PHKB: variants seen among roughly 807,000 people sequenced by gnomAD.
The protein encoded by PHKB is phosphorylase b kinase regulatory subunit beta.
In PHKB, 122 loss-of-function variants were observed where a neutral mutation model predicts 152.1. The observed-to-expected ratio is 0.80, with a 90% CI of 0.69 to 0.93. The LOEUF (loss-of-function observed/expected upper bound fraction) is 0.93, where lower values mean the gene tolerates loss of function less well. Ranked by LOEUF, PHKB falls within the 40% of genes least tolerant of loss-of-function variation. The pLI is 0.00. For missense variants in PHKB, 1,304 were observed against 1,328.4 expected (o/e 0.98, Z 0.29); for synonymous variants, 436 against 464.9 (o/e 0.94, Z 0.80).
At chr16:47,470,622 C>T (rs1186064585) in intron 1 of PHKB, among the ~76,000 whole-genome samples, 1 of 152,216 alleles carries the variant, frequency 6.6e-6, no homozygotes, top group African/African-American at 2.4e-5. Context: ...GAAAAACTCA[C>T]AGCACAGGGA....
chr16:47,694,309 A>G (rs1974112671), intron 28 of PHKB, among the ~76,000 whole-genome samples: 1 of 152,236 alleles, frequency 6.6e-6, no homozygotes, highest in African/African-American at 2.4e-5. Context: ...TTGGAAATAG[A>G]GTACTGTAAT....
At chr16:47,544,666 C>A (rs1229716289) in intron 6 of PHKB, among the ~76,000 whole-genome samples, 1 of 152,180 alleles carries the variant, frequency 6.6e-6, no homozygotes, top group Admixed American at 6.5e-5. Context: ...TCTTGTTGAT[C>A]TGTCTAATAT....
At chr16:47,535,659 C>T (rs1038810008) in intron 6 of PHKB, among the ~76,000 whole-genome samples, 1 of 152,178 alleles carries the variant, frequency 6.6e-6, no homozygotes, top group African/African-American at 2.4e-5. Flanking sequence ...TTAGCACACA[C>T]ACCTTAAATT....
chr16:47,490,525 A>G (rs1970130739), intron 1 of PHKB, among the ~76,000 whole-genome samples: 2 of 152,184 alleles, frequency 1.3e-5, no homozygotes, highest in South Asian at 4.1e-4. Context: ...GTAACTAAAC[A>G]TGTCAGATGA....
At chr16:47,547,409 A>T in intron 6 of PHKB, 24 bp from the exon 7 acceptor site, 2 of 1,395,200 alleles carry the variant, frequency 1.4e-6, no homozygotes, top group Non-Finnish European at 1.0e-6. Flanking sequence ...GTATGTCCTT[A>T]TGTTTCATTT....
At chr16:47,543,018 C>T (rs893632523) in intron 6 of PHKB, among the ~76,000 whole-genome samples, 4 of 152,148 alleles carry the variant, frequency 2.6e-5, no homozygotes, top group African/African-American at 9.7e-5. Context: ...TTTGCCCTGG[C>T]CCGAACTTCC....
At chr16:47,497,098 A>G (rs768688021) in intron 1 of PHKB, among the ~76,000 whole-genome samples, 1 of 152,220 alleles carries the variant, frequency 6.6e-6, no homozygotes, top group South Asian at 2.1e-4. Context: ...AATGACTACC[A>G]CATGAGTATT....
intron 1 of PHKB, among the ~76,000 whole-genome samples, chr16:47,492,458 A>C (rs1020445000): frequency 2.0e-5 from 3 of 152,230 alleles, no homozygotes; most frequent in African/African-American, 7.2e-5. Context: ...AAAATGCCTA[A>C]AGAGGAACCT....
chr16:47,679,821 T>G (rs1973813535), intron 26 of PHKB, among the ~76,000 whole-genome samples: 1 of 152,190 alleles, frequency 6.6e-6, no homozygotes, highest in Non-Finnish European at 1.5e-5. Context: ...ATATTAGTGG[T>G]GAGAGAGGGG....
At chr16:47,673,937 C>T (rs1236021574) in intron 26 of PHKB, among the ~76,000 whole-genome samples, 1 of 152,154 alleles carries the variant, frequency 6.6e-6, no homozygotes, top group East Asian at 1.9e-4. Context: ...CTGGGATTTA[C>T]ACCCAGGTCT....
At chr16:47,504,849 C>G (rs1970384416) in intron 4 of PHKB, among the ~76,000 whole-genome samples, 1 of 152,254 alleles carries the variant, frequency 6.6e-6, no homozygotes, top group Non-Finnish European at 1.5e-5. Flanking sequence ...CTCCAGTCCC[C>G]TGAGGGTGCA....
At chr16:47,508,480 A>G (rs1363858602) in intron 4 of PHKB, among the ~76,000 whole-genome samples, 1 of 152,178 alleles carries the variant, frequency 6.6e-6, no homozygotes, top group African/African-American at 2.4e-5. Context: ...TTAATGAGAA[A>G]TCATTAACTT....
intron 26 of PHKB, among the ~76,000 whole-genome samples, chr16:47,674,431 T>C (rs922553322): frequency 2.6e-5 from 4 of 152,158 alleles, no homozygotes; most frequent in African/African-American, 9.7e-5. Context: ...TAACCTAATA[T>C]TAAGACGCTA....
At chr16:47,533,952 C>G (rs1294982816) in intron 6 of PHKB, among the ~76,000 whole-genome samples, 3 of 152,166 alleles carry the variant, frequency 2.0e-5, no homozygotes, top group Non-Finnish European at 4.4e-5. Flanking sequence ...ACAGCCACAA[C>G]TTGGGCGGCT....
chr16:47,688,091 G>C (rs1455369507), intron 26 of PHKB, among the ~76,000 whole-genome samples: 1 of 152,224 alleles, frequency 6.6e-6, no homozygotes, highest in Non-Finnish European at 1.5e-5. Flanking sequence ...TGAAGAGAAA[G>C]AGAAGGCGTG....
intron 7 of PHKB, chr16:47,566,993 G>A (rs1029277455): frequency 1.1e-5 from 5 of 438,118 alleles, no homozygotes; most frequent in Admixed American, 7.7e-5. Context: ...AGTTACTATA[G>A]CCTTGTAGTA....
intron 8 of PHKB, among the ~76,000 whole-genome samples, chr16:47,584,013 T>A (rs1971894327): frequency 6.6e-6 from 1 of 152,100 alleles, no homozygotes; most frequent in African/African-American, 2.4e-5. Context: ...TATTATGCGT[T>A]CCTATACTTC....
intron 26 of PHKB, among the ~76,000 whole-genome samples, chr16:47,670,526 A>G (rs754682625): frequency 6.6e-6 from 1 of 152,008 alleles, no homozygotes; most frequent in Non-Finnish European, 1.5e-5. Flanking sequence ...TCTCATTCCT[A>G]TCACACAGGC....
At chr16:47,570,153 T>C (rs1971634255) in intron 7 of PHKB, among the ~76,000 whole-genome samples, 1 of 152,234 alleles carries the variant, frequency 6.6e-6, no homozygotes, top group African/African-American at 2.4e-5. Context: ...GCTGAGAAGT[T>C]AGTCTGATAG....
Sources: allele counts gnomAD v4.1 joint callset (sites outside exome capture counted in the v4.1 genomes callset), GRCh38; gene constraint gnomAD v4.1.1; transcripts MANE v1.5; gene names NCBI Gene and HGNC (gene_info 2026-07-23, HGNC 2026-07-21).